CADM2: variants seen among roughly 807,000 people sequenced by gnomAD.
CADM2 encodes immunoglobulin superfamily member 4D.
Under a neutral mutation model 49.8 loss-of-function variants are expected in CADM2, and 12 were observed. The ratio of observed to expected loss-of-function variants is 0.24; its 90% CI spans 0.15 to 0.39. CADM2 has a LOEUF of 0.39. Among genes scored for constraint, CADM2 ranks in the 10% least tolerant of loss-of-function variants. CADM2 has a pLI of 1.00. For synonymous variants in CADM2, 214 were observed against 175.4 expected (o/e 1.22, Z -1.74); for missense variants, 378 against 492.3 (o/e 0.77, Z 2.20).
chr3:85,510,593 T>C (rs1162266326), intron 1 of CADM2, among the ~76,000 whole-genome samples: 2 of 152,038 alleles, frequency 1.3e-5, no homozygotes, highest in African/African-American at 2.4e-5. Flanking sequence ...TTGTTTGAGC[T>C]TTACGAAGTT....
At chr3:85,441,662 C>T (rs1200125478) in intron 1 of CADM2, among the ~76,000 whole-genome samples, 3 of 152,004 alleles carry the variant, frequency 2.0e-5, no homozygotes, top group East Asian at 1.9e-4. Flanking sequence ...ATACAAACAA[C>T]CACATACCTC....
chr3:85,208,299 A>G (rs1025124848), intron 1 of CADM2, among the ~76,000 whole-genome samples: 1 of 152,160 alleles, frequency 6.6e-6, no homozygotes, highest in African/African-American at 2.4e-5. Flanking sequence ...GTTACTAGAA[A>G]CGTTTTAATA....
intron 1 of CADM2, among the ~76,000 whole-genome samples, chr3:85,567,351 C>G (rs1332915644): frequency 6.6e-6 from 1 of 152,118 alleles, no homozygotes; most frequent in African/African-American, 2.4e-5. Flanking sequence ...TTCCTTAAAA[C>G]ACATTTTCTT....
intron 2 of CADM2, among the ~76,000 whole-genome samples, chr3:85,795,682 A>G (rs1338457463): frequency 6.6e-6 from 1 of 152,228 alleles, no homozygotes; most frequent in Non-Finnish European, 1.5e-5. Flanking sequence ...TATAAAAGTA[A>G]GGTATCAATA....
At chr3:85,889,250 A>G (rs1468204518) in intron 5 of CADM2, among the ~76,000 whole-genome samples, 1 of 151,148 alleles carries the variant, frequency 6.6e-6, no homozygotes, top group Non-Finnish European at 1.5e-5. Context: ...GTTTCTGGGT[A>G]AAAGTCACTT....
chr3:85,232,929 A>G (rs1477452330), intron 1 of CADM2, among the ~76,000 whole-genome samples: 2 of 152,232 alleles, frequency 1.3e-5, no homozygotes, highest in Non-Finnish European at 2.9e-5. Flanking sequence ...ATGTCCATAC[A>G]AAAACCTACA....
At chr3:85,347,860 T>C (rs906227279) in intron 1 of CADM2, among the ~76,000 whole-genome samples, 1 of 150,534 alleles carries the variant, frequency 6.6e-6, no homozygotes, top group South Asian at 2.1e-4. Context: ...CAGGCTGGAG[T>C]GCAGTGGCAC....
chr3:85,059,037 A>C (rs1302776580), intron 1 of CADM2, among the ~76,000 whole-genome samples: 1 of 151,910 alleles, frequency 6.6e-6, no homozygotes, highest in Non-Finnish European at 1.5e-5. Context: ...CAGGAGATTG[A>C]CACCATCCTG....
chr3:85,899,244 G>A (rs1285554867), intron 5 of CADM2, among the ~76,000 whole-genome samples: 1 of 151,796 alleles, frequency 6.6e-6, no homozygotes, highest in African/African-American at 2.4e-5. Context: ...GGGATTACAG[G>A]TGTGAGCCAC....
chr3:85,172,814 A>G (rs1263502580), intron 1 of CADM2, among the ~76,000 whole-genome samples: 1 of 148,182 alleles, frequency 6.7e-6, no homozygotes, highest in Non-Finnish European at 1.5e-5. Flanking sequence ...AGAGGTCTGA[A>G]CTATGCAGAT....
chr3:85,914,924 A>C (rs1718083934), intron 6 of CADM2, among the ~76,000 whole-genome samples: 1 of 152,188 alleles, frequency 6.6e-6, no homozygotes, highest in African/African-American at 2.4e-5. Context: ...AAGACACAGT[A>C]GTTAATTTTG....
At chr3:85,640,053 A>C (rs2064661393) in intron 1 of CADM2, among the ~76,000 whole-genome samples, 1 of 152,170 alleles carries the variant, frequency 6.6e-6, no homozygotes, top group South Asian at 2.1e-4. Context: ...AGTGCCGAGC[A>C]GATATGTTAG....
intron 2 of CADM2, among the ~76,000 whole-genome samples, chr3:85,787,253 C>T (rs1039663903): frequency 2.6e-5 from 4 of 151,966 alleles, no homozygotes; most frequent in Non-Finnish European, 5.9e-5. Flanking sequence ...TATACAAACT[C>T]AAGCTAGTAA....
intron 1 of CADM2, among the ~76,000 whole-genome samples, chr3:85,554,687 A>G (rs1173728695): frequency 1.3e-5 from 2 of 152,032 alleles, no homozygotes; most frequent in Non-Finnish European, 2.9e-5. Flanking sequence ...CTTTAAAGAC[A>G]TCATTTTTAT....
At chr3:85,838,217 C>T (rs1410219325) in intron 3 of CADM2, among the ~76,000 whole-genome samples, 1 of 151,802 alleles carries the variant, frequency 6.6e-6, no homozygotes, top group Non-Finnish European at 1.5e-5. Context: ...AAACAAGGGG[C>T]TTGAATCTTC....
chr3:85,135,650 A>T (rs1467362888), intron 1 of CADM2, among the ~76,000 whole-genome samples: 1 of 152,078 alleles, frequency 6.6e-6, no homozygotes, highest in African/African-American at 2.4e-5. Flanking sequence ...TCAGCATTCT[A>T]ATAGCTGCCT....
intron 1 of CADM2, among the ~76,000 whole-genome samples, chr3:85,361,116 A>G (rs2032325861): frequency 6.6e-6 from 1 of 152,206 alleles, no homozygotes. Context: ...TGTAGTAGGT[A>G]CTACTCAAAG....
chr3:85,183,659 ACT>A (rs1293063071), intron 1 of CADM2, among the ~76,000 whole-genome samples: 1 of 152,166 alleles, frequency 6.6e-6, no homozygotes, highest in Non-Finnish European at 1.5e-5. Flanking sequence ...CATAAATCTT[ACT>A]ATTCCATACA....
chr3:85,027,305 G>A (rs2034779621), intron 1 of CADM2, among the ~76,000 whole-genome samples: 2 of 151,176 alleles, frequency 1.3e-5, no homozygotes, highest in Non-Finnish European at 2.9e-5. Flanking sequence ...TCGTAGAGAT[G>A]GGGTTTCACC....
Sources: gnomAD v4.1 joint callset for allele counts (sites outside exome capture counted in the v4.1 genomes callset) on GRCh38, gnomAD v4.1.1 for gene constraint, MANE v1.5 for transcripts, NCBI Gene and HGNC (gene_info 2026-07-23, HGNC 2026-07-21) for gene names.